SPOCD1: variants seen among roughly 807,000 people sequenced by gnomAD.
SPOCD1 encodes the protein SPOC domain containing 1, also known as SPOC domain-containing protein 1.
A neutral mutation model predicts 92.2 loss-of-function variants in SPOCD1; 64 were observed. That is an observed-to-expected ratio of 0.69 (90% CI 0.57 to 0.86). The LOEUF (loss-of-function observed/expected upper bound fraction) is 0.86, where lower values mean the gene tolerates loss of function less well. Ranked by LOEUF, SPOCD1 falls within the 40% of genes least tolerant of loss-of-function variation. SPOCD1 has a pLI of 0.00. For missense variants in SPOCD1, 1,360 were observed against 1,543.1 expected (o/e 0.88, Z 1.99); for synonymous variants, 578 against 619.3 (o/e 0.93, Z 0.99).
chr1:31,792,514 C>T (rs1647675135), intron 14 of SPOCD1, 113 bp from the exon 15 acceptor site: 1 of 1,284,534 alleles, frequency 7.8e-7, no homozygotes. Flanking sequence ...TCTCCATCTT[C>T]CAGAGGAGGA....
chr1:31,814,017 G>T lies in SPOCD1; in HGVS notation c.1317C>A (p.Asp439Glu), dbSNP rs755641523. 46 of 1,607,902 alleles carry T rather than the reference G, an allele frequency of 2.9e-5. No homozygotes were observed. The highest frequency in any genetic ancestry group is 2.9e-5 in the Non-Finnish European group (34 of 1,176,294). ...CCTGGTGGGAGTTGTCTGAGCTTCT[G>T]TCTGTGCCCCGGTCTTGGGCACAGG... Reference protein sequence around the residue: ...PVPCAQDRGTDRSSDNSHQDR... With the variant: ...PVPCAQDRGTERSSDNSHQDR... Residue 439 changes from aspartate (D) to glutamate (E), a missense_variant, in exon 2 of 16, where the codon GAC becomes GAA. Transcript: ENST00000360482. This position sits in a 1 kb window ranked among gnomAD's most constrained non-coding sequence, Gnocchi z 4.2.
Position 31,814,762 on chromosome 1 carries a change from C to T in SPOCD1, c.572G>A (p.Gly191Glu). 6.2e-7 allele frequency: 1 copy of T among 1,613,682 alleles called. No homozygotes were observed. Among genetic ancestry groups the T allele is most frequent in the South Asian group, 1.1e-5 (1 of 91,042 alleles). ...GTCTGGTGAGGATGTCAGGGGCCTT[C>T]CAGGGGGCTCCTCTTTGCTGAGTGT... ...SPTLSKEEPP[G>E]RPLTSSPDPV... The change falls in exon 2 of 16, where the codon GGA becomes GAA. Residue 191 changes from glycine (G) to glutamate (E), a missense_variant. Transcript: ENST00000360482. This position sits in a 1 kb window ranked among gnomAD's most constrained non-coding sequence, Gnocchi z 4.2.
At chr1:31,792,836 C>A in intron 13 of SPOCD1, 69 bp from the exon 14 acceptor site, 1 of 1,263,306 alleles carries the variant, frequency 7.9e-7, no homozygotes, top group South Asian at 1.3e-5. Flanking sequence ...GCATTCCCAG[C>A]CACCTGGAAG....
rs113415278 is a variant in SPOCD1, at chr1:31,812,823, G to C, written c.1383+1128C>G. On this transcript the variant is annotated intron_variant, in intron 2 of 15. Transcript: ENST00000360482. The stretch of plus-strand genomic sequence containing the variant: ...TCAAGACAGACCGCCTAGGCTTGTA[G>C]CCTTGCTCCCATTCACCAGCTGGGT... 5.5e-3 allele frequency among the ~76,000 whole-genome samples: 841 copies of C among 152,330 alleles called. 4 individuals carry two copies. Among genetic ancestry groups the C allele is most frequent in the East Asian group, 0.015 (80 of 5,180 alleles).
At chr1:31,802,109 A>G (rs1648509767) in intron 2 of SPOCD1, among the ~76,000 whole-genome samples, 1 of 152,202 alleles carries the variant, frequency 6.6e-6, no homozygotes, top group African/African-American at 2.4e-5. Flanking sequence ...CGGAGGTTGC[A>G]GTGAGCCAGG....
In SPOCD1 at chr1:31,799,430, G is replaced by C. The variant is rs529857051; in HGVS notation, c.1839C>G (p.Val613=). Residue 613 remains valine (V), a synonymous_variant, in exon 7 of 16, where the codon GTC becomes GTG. Coordinates refer to ENST00000360482, the MANE Select transcript of SPOCD1 (RefSeq NM_144569.7). ...SLYIGVRGTV[V]RSMQEVLWTR... is the part of the protein sequence containing the mutation. ...TCCATAGTACCTCCTGCATGGAACG[G>C]ACAACAGTGCCCCGCACCCCAATAT... The C allele has an allele frequency of 3.1e-6, 5 of 1,611,592 alleles. No individual in the cohort carries two copies. The African/African-American group carries it at 4.0e-5, about 13-fold the overall frequency.
At chr1:31,801,592 G>A (rs1336326643) in intron 3 of SPOCD1, 72 bp downstream of exon 3, 1 of 1,417,276 alleles carries the variant, frequency 7.1e-7, no homozygotes, top group Non-Finnish European at 1.0e-6. Context: ...ATCTACTGTG[G>A]AGGAGCCCTC....
rs1169484866 is a variant in SPOCD1, at chr1:31,815,020, G to A, written c.314C>T (p.Pro105Leu). Reference protein sequence around the residue: ...MLAPGLHMQLPSVPTQGRALT... With the variant: ...MLAPGLHMQLLSVPTQGRALT... Reference sequence around the variant, plus strand: ...AGCTCTCCCCTGAGTAGGCACCGAGGGCAGCTGCATGTGGAGCCCAGGAGC... The same window carrying A: ...AGCTCTCCCCTGAGTAGGCACCGAGAGCAGCTGCATGTGGAGCCCAGGAGC... Residue 105 changes from proline (P) to leucine (L), a missense_variant, in exon 2 of 16, where the codon CCC becomes CTC. By Grantham distance (98) the Pro-to-Leu change is moderately conservative. Coordinates refer to ENST00000360482, the MANE Select transcript of SPOCD1 (RefSeq NM_144569.7). 5 of 1,613,688 alleles carry A rather than the reference G, an allele frequency of 3.1e-6. No homozygotes were observed. Among genetic ancestry groups the A allele is most frequent in the Non-Finnish European group, 4.2e-6 (5 of 1,179,974 alleles).
intron 11 of SPOCD1, 33 bp from the exon 12 acceptor site, chr1:31,793,930 G>GGCA: frequency 6.3e-7 from 1 of 1,594,616 alleles, no homozygotes; most frequent in Middle Eastern, 1.7e-4. Context: ...CTGAAACAGG[G>GGCA]GCAGCAGCAG....
At chr1:31,791,549 G>C (rs1032064417) in intron 15 of SPOCD1, among the ~76,000 whole-genome samples, 8 of 152,206 alleles carry the variant, frequency 5.3e-5, no homozygotes, top group African/African-American at 1.9e-4. Flanking sequence ...AAAAGGCCAA[G>C]CGCTTTGCTC....
At position 31,798,799 on chromosome 1, in the gene SPOCD1, G is replaced by A. The variant is rs1211944002; in HGVS notation, c.1869-198C>T. Reference sequence around the variant, plus strand: ...GGATCATTCTCCTTTTATGGATGGGGTTACTGGGGCTCAGGGAAAATAAGA... The same window carrying A: ...GGATCATTCTCCTTTTATGGATGGGATTACTGGGGCTCAGGGAAAATAAGA... On this transcript the variant is annotated intron_variant, in intron 7 of 15. Transcript: ENST00000360482. This position sits in a 1 kb window ranked among gnomAD's most constrained non-coding sequence, Gnocchi z 4.1. 1.6e-6 allele frequency: 1 copy of A among 618,744 alleles called. No individual in the cohort carries two copies. Among genetic ancestry groups the A allele is most frequent in the East Asian group, 2.8e-5 (1 of 35,738 alleles). 38.3% of individuals were successfully genotyped at this position (618,744 alleles called of 1,614,324 possible).
rs1314059876 is a variant in SPOCD1, at chr1:31,800,625, G to A, written c.1426-8C>T. ...CACTGGCCCGGAACCCAGCTGCGGG[G>A]GAGATCGCACTTCAGAAGCAAGCGG... On this transcript the variant is annotated splice_polypyrimidine_tract_variant and splice_region_variant and intron_variant, in intron 3 of 15. Transcript: ENST00000360482. 2.5e-6 allele frequency: 4 copies of A among 1,594,444 alleles called. No individual in the cohort carries two copies. Among genetic ancestry groups the A allele is most frequent in the Non-Finnish European group, 3.4e-6 (4 of 1,167,742 alleles).
intron 2 of SPOCD1, among the ~76,000 whole-genome samples, chr1:31,808,247 T>C (rs931011462): frequency 5.3e-5 from 8 of 151,938 alleles, no homozygotes; most frequent in African/African-American, 1.7e-4. Flanking sequence ...AAACATGAAA[T>C]TGAATTCACA....
At position 31,799,793 on chromosome 1, in the gene SPOCD1, C is replaced by T; in HGVS notation, c.1783+16G>A. The T allele has an allele frequency of 6.2e-7, 1 of 1,613,586 alleles. No individual in the cohort carries two copies. Among genetic ancestry groups the T allele is most frequent in the East Asian group, 2.2e-5 (1 of 44,888 alleles). On this transcript the variant is annotated intron_variant, in intron 6 of 15. Coordinates refer to ENST00000360482, the MANE Select transcript of SPOCD1 (RefSeq NM_144569.7). ...AGTCTCTGGAAGCAGAAGAGGCTCCCTCCAGGGCCCTTCACCTGAGTCCTC... is the reference window on the plus strand; with the variant it reads ...AGTCTCTGGAAGCAGAAGAGGCTCCTTCCAGGGCCCTTCACCTGAGTCCTC...
rs555926182 is a variant in SPOCD1, at chr1:31,814,466, C to T, written c.868G>A (p.Ala290Thr). The T allele has an allele frequency of 2.9e-5, 46 of 1,581,800 alleles. No homozygotes were observed. In the African/African-American group the frequency reaches 5.0e-4, roughly 17 times the overall value. The change falls in exon 2 of 16, where the codon GCT (alanine) becomes ACT (threonine). Residue 290 changes from alanine (A) to threonine (T), a missense_variant. By Grantham distance (58) the Ala-to-Thr change is moderately conservative. Coordinates refer to ENST00000360482, the MANE Select transcript of SPOCD1 (RefSeq NM_144569.7). The surrounding 1 kb of genome is among the most constrained non-coding windows in gnomAD (Gnocchi z 4.2). ...CCTGGCTGGGGCCCATCCCCTGTAGCGGGCAAATATCCAAATTTCTCAGTC... is the reference window on the plus strand; with the variant it reads ...CCTGGCTGGGGCCCATCCCCTGTAGTGGGCAAATATCCAAATTTCTCAGTC... Reference protein sequence around the residue: ...SGTEKFGYLPATGDGPQPGSP... With the variant: ...SGTEKFGYLPTTGDGPQPGSP...
Position 31,798,718 on chromosome 1 carries a change from G to C in SPOCD1, c.1869-117C>G. 8.7e-7 allele frequency: 1 copy of C among 1,154,922 alleles called. No homozygotes were observed. The highest frequency in any genetic ancestry group is 1.2e-6 in the Non-Finnish European group (1 of 825,094). 71.5% of individuals were successfully genotyped at this position (1,154,922 alleles called of 1,614,324 possible). On this transcript the variant is annotated intron_variant, in intron 7 of 15. Coordinates refer to ENST00000360482, the MANE Select transcript of SPOCD1 (RefSeq NM_144569.7). This position sits in a 1 kb window ranked among gnomAD's most constrained non-coding sequence, Gnocchi z 4.1. The stretch of plus-strand genomic sequence containing the variant: ...TCTGGGCCAACTTGTTCCTGTCGTG[G>C]GTGTTTCCCTGCAGGAACCTACTTA...
chr1:31,794,989 C>T (rs1436413061), intron 10 of SPOCD1: 1 of 152,190 alleles, frequency 6.6e-6, no homozygotes, highest in East Asian at 1.9e-4. Context: ...GACGTCTCAC[C>T]TCTGTTGCTA....
At position 31,799,875 on chromosome 1, in the gene SPOCD1, G is replaced by A; in HGVS notation, c.1729-12C>T. Reference sequence around the variant, plus strand: ...TCCATTGGGCCACTCTGTAGGGGAGGCGTGAGGAATTGAGGCTGTGCTGGT... The same window carrying A: ...TCCATTGGGCCACTCTGTAGGGGAGACGTGAGGAATTGAGGCTGTGCTGGT... On this transcript the variant is annotated splice_polypyrimidine_tract_variant and intron_variant, in intron 5 of 15. Coordinates refer to ENST00000360482, the MANE Select transcript of SPOCD1 (RefSeq NM_144569.7). 2 of 1,614,154 alleles carry A rather than the reference G, an allele frequency of 1.2e-6. No homozygotes were observed. Among genetic ancestry groups the A allele is most frequent in the Non-Finnish European group, 1.7e-6 (2 of 1,180,018 alleles).
At chr1:31,804,930 T>C (rs1200777579) in intron 2 of SPOCD1, among the ~76,000 whole-genome samples, 1 of 151,956 alleles carries the variant, frequency 6.6e-6, no homozygotes, top group African/African-American at 2.4e-5. Context: ...TAACTACCTT[T>C]ATACTTTGAT....
Sources: allele counts gnomAD v4.1 joint callset (sites outside exome capture counted in the v4.1 genomes callset), GRCh38; gene constraint gnomAD v4.1.1; non-coding constraint Gnocchi (gnomAD v3.1); transcripts MANE v1.5; gene names NCBI Gene and HGNC (gene_info 2026-07-23, HGNC 2026-07-21).